The following DGKI variants were observed in gnomAD, a reference collection of about 807,000 sequenced individuals.
DGKI encodes the protein DAG kinase iota.
In DGKI, 55 loss-of-function variants were observed where a neutral mutation model predicts 147.5. That is an observed-to-expected ratio of 0.37 (90% confidence interval 0.30 to 0.47). The LOEUF (loss-of-function observed/expected upper bound fraction) is 0.47. Ranked by LOEUF, DGKI falls within the 20% of genes least tolerant of loss-of-function variation. The pLI, the probability that DGKI is intolerant of heterozygous loss-of-function variation, is 1.00. For missense variants in DGKI, 1,007 were observed against 1,323.8 expected, an observed-to-expected ratio of 0.76 and a Z score of 3.71; for synonymous variants, 469 against 477.1, an observed-to-expected ratio of 0.98 and a Z score of 0.22.
chr7:137,431,693 A>G (rs1351339761), intron 28 of DGKI, among the ~76,000 whole-genome samples: 1 of 152,174 alleles, frequency 6.6e-6, no homozygotes, highest in Non-Finnish European at 1.5e-5. Context: ...CCTGTGTTTC[A>G]TTGCTTAGTG....
At chr7:137,457,273 T>G (rs1044756107) in intron 27 of DGKI, among the ~76,000 whole-genome samples, 17 of 152,192 alleles carry the variant, frequency 1.1e-4, no homozygotes, top group Non-Finnish European at 2.2e-4. Flanking sequence ...AAGATATATT[T>G]CAGCAAAACC....
intron 20 of DGKI, among the ~76,000 whole-genome samples, chr7:137,541,543 A>C (rs1405781033): frequency 1.3e-5 from 2 of 152,216 alleles, no homozygotes; most frequent in Non-Finnish European, 2.9e-5. Context: ...GAGGGAGTTG[A>C]GCATCTAGAA....
At chr7:137,542,659 G>T (rs1421233898) in intron 20 of DGKI, among the ~76,000 whole-genome samples, 1 of 152,132 alleles carries the variant, frequency 6.6e-6, no homozygotes, top group African/African-American at 2.4e-5. Context: ...GTGACTGACT[G>T]ATCTATATCC....
intron 22 of DGKI, among the ~76,000 whole-genome samples, chr7:137,486,902 C>T (rs1249911350): frequency 6.6e-6 from 1 of 152,032 alleles, no homozygotes; most frequent in Non-Finnish European, 1.5e-5. Flanking sequence ...CTCTAATATA[C>T]ATCTTTCATC....
rs567411004 is a variant in DGKI, at chr7:137,552,292, C to T, written c.2147+77G>A. 430 of 1,515,256 alleles carry T rather than the reference C, an allele frequency of 2.8e-4. 1 individual carries two copies. Among genetic ancestry groups the T allele is most frequent in the Non-Finnish European group, 3.8e-4 (419 of 1,102,052 alleles). 93.9% of individuals were successfully genotyped at this position (1,515,256 alleles called of 1,614,324 possible). The stretch of plus-strand genomic sequence containing the variant: ...TTCCTCTTCCCAACACAGTGAGGTC[C>T]CCAGACCATGCACATGCTCTGCACT... On this transcript the variant is annotated intron_variant, in intron 20 of 32. Transcript: ENST00000614521.
intron 23 of DGKI, among the ~76,000 whole-genome samples, chr7:137,482,703 T>C (rs1316202169): frequency 6.6e-6 from 1 of 152,062 alleles, no homozygotes; most frequent in African/African-American, 2.4e-5. Flanking sequence ...CTTGCCCTGC[T>C]CAGGAAATTC....
Position 137,416,556 on chromosome 7 carries a change from C to T in DGKI, c.2762-4349G>A, listed in dbSNP as rs1009684920. 7.2e-5 allele frequency among the ~76,000 whole-genome samples: 11 copies of T among 152,222 alleles called. 1 individual carries two copies. The highest frequency in any genetic ancestry group is 6.3e-4 in the South Asian group (3 of 4,798). ...CCACTCCAAGGAGTGAGTCTGACACCAAGATAAGGCACTTAAATTTTATTC... is the reference window on the plus strand; with the variant it reads ...CCACTCCAAGGAGTGAGTCTGACACTAAGATAAGGCACTTAAATTTTATTC... On this transcript the variant is annotated intron_variant, in intron 28 of 32. Coordinates refer to ENST00000614521, the MANE Select transcript of DGKI (RefSeq NM_001321708.2).
At chr7:137,706,272 T>C (rs2116537230) in intron 1 of DGKI, among the ~76,000 whole-genome samples, 1 of 151,980 alleles carries the variant, frequency 6.6e-6, no homozygotes, top group East Asian at 1.9e-4. Context: ...GGTCTCCTCT[T>C]TTCTGTAACT....
intron 21 of DGKI, among the ~76,000 whole-genome samples, chr7:137,509,008 G>T (rs1437560674): frequency 1.3e-5 from 2 of 152,000 alleles, no homozygotes; most frequent in African/African-American, 4.8e-5. Flanking sequence ...GAGAGGCAGG[G>T]GAGTAGAGAA....
intron 19 of DGKI, among the ~76,000 whole-genome samples, chr7:137,555,955 C>A (rs1013783118): frequency 3.4e-5 from 5 of 147,162 alleles, no homozygotes; most frequent in African/African-American, 1.3e-4. Context: ...TATTCATGAT[C>A]ATAATGCCAA....
chr7:137,463,563 G>C lies in DGKI; in HGVS notation c.2661C>G (p.Asp887Glu), dbSNP rs1365313825. The change falls in exon 27 of 33, where the codon GAC becomes GAG. Residue 887 changes from aspartate to glutamate, a missense_variant. Asp to Glu is a conservative substitution (Grantham distance 45, BLOSUM62 2). Coordinates refer to ENST00000614521, the MANE Select transcript of DGKI (RefSeq NM_001321708.2). ...NPALRKRMLS[D>E]SGLGMIAPYY... is the part of the protein sequence containing the mutation. ...AGGGAGCTATCATCCCCAGCCCACT[G>C]TCACTCAGCATGCGTTTCCGCAGGG... 10 of 1,614,174 alleles carry C rather than the reference G, an allele frequency of 6.2e-6. No homozygotes were observed. Among genetic ancestry groups the C allele is most frequent in the Non-Finnish European group, 8.5e-6 (10 of 1,180,022 alleles).
intron 1 of DGKI, among the ~76,000 whole-genome samples, chr7:137,727,825 A>T (rs1340523297): frequency 6.6e-6 from 1 of 152,198 alleles, no homozygotes; most frequent in Non-Finnish European, 1.5e-5. Context: ...TGTGGTCCGA[A>T]TTAAGAATCT....
At position 137,743,107 on chromosome 7, in the gene DGKI, C is replaced by T. The variant is rs565332890; in HGVS notation, c.402-53105G>A. 2.6e-5 allele frequency among the ~76,000 whole-genome samples: 4 copies of T among 152,330 alleles called. No individual in the cohort carries two copies. In the South Asian group the frequency reaches 8.3e-4, roughly 32 times the overall value. On this transcript the variant is annotated intron_variant, in intron 1 of 32. Coordinates refer to ENST00000614521, the MANE Select transcript of DGKI (RefSeq NM_001321708.2). ...ATATCCTAAATATATACGTACCCAA[C>T]ATTGGAGGACCCAGATTTATACAAC...
At chr7:137,409,000 C>T (rs1812064994) in intron 29 of DGKI, among the ~76,000 whole-genome samples, 1 of 152,146 alleles carries the variant, frequency 6.6e-6, no homozygotes, top group African/African-American at 2.4e-5. Flanking sequence ...GGTGAAAGAG[C>T]ATAAATGACC....
At chr7:137,641,028 G>T (rs1563127393) in intron 6 of DGKI, among the ~76,000 whole-genome samples, 6 of 152,118 alleles carry the variant, frequency 3.9e-5, no homozygotes, top group Admixed American at 2.0e-4. Flanking sequence ...GTCATGGGAG[G>T]AACCCGGTGG....
chr7:137,443,963 G>T, intron 28 of DGKI, 114 bp downstream of exon 28: 1 of 846,988 alleles, frequency 1.2e-6, no homozygotes, highest in Non-Finnish European at 1.8e-6. Flanking sequence ...AAACCACAAA[G>T]CCAATATCTT....
chr7:137,737,425 A>G (rs1228876297), intron 1 of DGKI, among the ~76,000 whole-genome samples: 1 of 152,016 alleles, frequency 6.6e-6, no homozygotes, highest in Non-Finnish European at 1.5e-5. Context: ...TTAAGGAATT[A>G]ATAAAAGTAA....
chr7:137,795,317 T>C (rs1032764896), intron 1 of DGKI, among the ~76,000 whole-genome samples: 2 of 152,164 alleles, frequency 1.3e-5, no homozygotes, highest in African/African-American at 4.8e-5. Context: ...CTAGTAGCTA[T>C]TGGAGAGAGC....
chr7:137,769,696 T>C (rs909509248), intron 1 of DGKI, among the ~76,000 whole-genome samples: 4 of 152,064 alleles, frequency 2.6e-5, no homozygotes, highest in African/African-American at 9.7e-5. Context: ...AAAGAAGACA[T>C]TTATGCGGCC....
Sources: allele counts gnomAD v4.1 joint callset (sites outside exome capture counted in the v4.1 genomes callset), GRCh38; gene constraint gnomAD v4.1.1; transcripts MANE v1.5; gene names NCBI Gene and HGNC (gene_info 2026-07-23, HGNC 2026-07-21).